The following GALNT17 variants were observed in gnomAD, a reference collection of about 807,000 sequenced individuals.
GALNT17 encodes UDP-GalNAc:polypeptide N-acetylgalactosaminyltransferase-like 3.
In GALNT17, 29 loss-of-function variants were observed where a neutral mutation model predicts 63.7. The ratio of observed to expected loss-of-function variants is 0.46; its 90% CI spans 0.34 to 0.62. The LOEUF (loss-of-function observed/expected upper bound fraction) is 0.62, where lower values mean the gene tolerates loss of function less well. Among genes scored for constraint, GALNT17 ranks in the 20% least tolerant of loss-of-function variants. The pLI, the probability that GALNT17 is intolerant of heterozygous loss-of-function variation, is 0.01. For synonymous variants in GALNT17, 305 were observed against 318.3 expected, an observed-to-expected ratio of 0.96 and a Z score of 0.45; for missense variants, 603 against 799.6, an observed-to-expected ratio of 0.75 and a Z score of 2.97.
intron 6 of GALNT17, among the ~76,000 whole-genome samples, chr7:71,619,820 T>G (rs1790266330): frequency 6.6e-6 from 1 of 152,182 alleles, no homozygotes. Context: ...GGACTTCCAG[T>G]ACTATGTTGA....
At chr7:71,584,284 T>A (rs73369278) in intron 6 of GALNT17, among the ~76,000 whole-genome samples, 2,324 of 152,312 alleles carry the variant, frequency 0.015, 68 homozygotes, top group African/African-American at 0.053. Context: ...AACTGGAAAA[T>A]GAAGAATTCA....
chr7:71,263,424 G>T (rs923551333), intron 1 of GALNT17, among the ~76,000 whole-genome samples: 1 of 152,182 alleles, frequency 6.6e-6, no homozygotes, highest in African/African-American at 2.4e-5. Context: ...CCAGCCTCCA[G>T]AACGATGAGA....
rs184553068 is a variant in GALNT17, at chr7:71,147,569, G to C, written c.238+14529G>C. Among the ~76,000 whole-genome samples, 162 of 152,230 alleles carry C rather than the reference G, an allele frequency of 1.1e-3. 1 individual carries two copies. The highest frequency in any genetic ancestry group is 1.9e-3 in the Non-Finnish European group (127 of 68,014). The stretch of plus-strand genomic sequence containing the variant: ...TTGCATCCTTCAATCCAATCAGATT[G>C]ACACTCAGTATTAACCATCACATTC... On this transcript the variant is annotated intron_variant, in intron 1 of 10. Transcript: ENST00000333538.
chr7:71,463,398 G>A (rs1057103781), intron 5 of GALNT17, among the ~76,000 whole-genome samples: 4 of 152,140 alleles, frequency 2.6e-5, no homozygotes, highest in African/African-American at 7.2e-5. Flanking sequence ...ACAAGGAAGT[G>A]GGCCAGAGTG....
intron 6 of GALNT17, among the ~76,000 whole-genome samples, chr7:71,654,977 A>G (rs1584115719): frequency 1.3e-5 from 2 of 152,094 alleles, no homozygotes; most frequent in South Asian, 4.2e-4. Flanking sequence ...TTTAGTAGAG[A>G]AGGGGTTTCA....
At chr7:71,507,623 G>A (rs1226630103) in intron 5 of GALNT17, among the ~76,000 whole-genome samples, 1 of 152,156 alleles carries the variant, frequency 6.6e-6, no homozygotes, top group African/African-American at 2.4e-5. Context: ...GTCTATAGAC[G>A]CCACTGGGCC....
At chr7:71,224,217 T>G (rs1789640166) in intron 1 of GALNT17, among the ~76,000 whole-genome samples, 1 of 152,048 alleles carries the variant, frequency 6.6e-6, no homozygotes, top group African/African-American at 2.4e-5. Flanking sequence ...CTGGCTAACT[T>G]TGTATTTTTA....
intron 6 of GALNT17, among the ~76,000 whole-genome samples, chr7:71,658,075 T>G (rs1028361781): frequency 2.0e-5 from 3 of 152,120 alleles, no homozygotes; most frequent in Non-Finnish European, 4.4e-5. Context: ...TGGCTAATTA[T>G]TTAATTTTCT....
At chr7:71,278,907 T>C (rs1353998705) in intron 1 of GALNT17, among the ~76,000 whole-genome samples, 1 of 151,234 alleles carries the variant, frequency 6.6e-6, no homozygotes, top group Non-Finnish European at 1.5e-5. Flanking sequence ...TATCTCTTTT[T>C]CCTCTTTTTC....
intron 1 of GALNT17, among the ~76,000 whole-genome samples, chr7:71,310,922 G>A (rs1791404440): frequency 6.6e-6 from 1 of 152,214 alleles, no homozygotes; most frequent in Non-Finnish European, 1.5e-5. Flanking sequence ...TACCACGGTA[G>A]TTCTCTATCA....
intron 2 of GALNT17, among the ~76,000 whole-genome samples, chr7:71,372,179 G>T (rs867369734): frequency 2.0e-5 from 3 of 151,782 alleles, no homozygotes; most frequent in African/African-American, 7.3e-5. Context: ...TATTTTTTGA[G>T]ATGGAGTCTC....
At chr7:71,393,136 A>G (rs1029722318) in intron 3 of GALNT17, among the ~76,000 whole-genome samples, 1 of 152,082 alleles carries the variant, frequency 6.6e-6, no homozygotes, top group South Asian at 2.1e-4. Context: ...TTCTTTGGCA[A>G]CTATAGATTT....
intron 1 of GALNT17, among the ~76,000 whole-genome samples, chr7:71,279,729 G>A (rs1790746432): frequency 6.6e-6 from 1 of 151,180 alleles, no homozygotes; most frequent in South Asian, 2.1e-4. Flanking sequence ...CTTGAGCATG[G>A]AGGGTCTTTG....
chr7:71,297,074 C>T (rs931295859), intron 1 of GALNT17, among the ~76,000 whole-genome samples: 1 of 152,232 alleles, frequency 6.6e-6, no homozygotes, highest in Non-Finnish European at 1.5e-5. Context: ...CTTAAGCACA[C>T]CTCATTGCCT....
intron 1 of GALNT17, among the ~76,000 whole-genome samples, chr7:71,231,383 AC>A (rs1562933856): frequency 6.6e-6 from 1 of 152,148 alleles, no homozygotes; most frequent in Non-Finnish European, 1.5e-5. Context: ...GGAATCTGCA[AC>A]ATGGCAGGCG....
chr7:71,165,399 C>T lies in GALNT17; in HGVS notation c.238+32359C>T, dbSNP rs185781344. On this transcript the variant is annotated intron_variant, in intron 1 of 10. Coordinates refer to ENST00000333538, the MANE Select transcript of GALNT17 (RefSeq NM_022479.3). ...AAAGAAGTTTAATGGACTCATAGTT[C>T]CACGTGGCTAGGGAGGCCTCACAAA... Among the ~76,000 whole-genome samples, 426 of 152,270 alleles carry T rather than the reference C, an allele frequency of 2.8e-3. 1 individual carries two copies. Among genetic ancestry groups the T allele is most frequent in the Non-Finnish European group, 4.9e-3 (334 of 68,032 alleles).
chr7:71,416,611 CAAAAAAAA>C (rs904629740), intron 4 of GALNT17, among the ~76,000 whole-genome samples: 1 of 140,090 alleles, frequency 7.1e-6, no homozygotes, highest in African/African-American at 2.6e-5. Context: ...GACTCCATCT[CAAAAAAAA>C]AAGAAAAAAA....
At chr7:71,501,258 C>T (rs1193097970) in intron 5 of GALNT17, among the ~76,000 whole-genome samples, 3 of 151,784 alleles carry the variant, frequency 2.0e-5, no homozygotes, top group African/African-American at 7.3e-5. Context: ...TGTGAGCCAC[C>T]GCGCCCAGCC....
rs192480916 is a variant in GALNT17, at chr7:71,446,001, C to T, written c.962+24896C>T. Among the ~76,000 whole-genome samples, 49 of 152,244 alleles carry T rather than the reference C, an allele frequency of 3.2e-4. 5 individuals carry two copies. In the East Asian group the frequency reaches 3.3e-3, roughly 10 times the overall value. ...AAATCTTGTAGTCGTTTCTGAGAAA[C>T]GGGAATATTTTCTTGAAGAAGCTTG... On this transcript the variant is annotated intron_variant, in intron 5 of 10. Coordinates refer to ENST00000333538, the MANE Select transcript of GALNT17 (RefSeq NM_022479.3).
Sources: gnomAD v4.1 joint callset for allele counts (sites outside exome capture counted in the v4.1 genomes callset) on GRCh38, gnomAD v4.1.1 for gene constraint, MANE v1.5 for transcripts, NCBI Gene and HGNC (gene_info 2026-07-23, HGNC 2026-07-21) for gene names.